CACNA2D3: variants seen among roughly 807,000 people sequenced by gnomAD.
The protein encoded by CACNA2D3 is voltage-dependent calcium channel subunit alpha-2/delta-3.
In CACNA2D3, 60 loss-of-function variants were observed where a neutral mutation model predicts 160.6. The ratio of observed to expected loss-of-function variants is 0.37; its 90% confidence interval spans 0.30 to 0.46. CACNA2D3 has a LOEUF of 0.46. Ranked by LOEUF, CACNA2D3 falls within the 20% of genes least tolerant of loss-of-function variation. The probability of loss-of-function intolerance (pLI) is 1.00; values close to 1 mark genes in which losing one functional copy is unlikely to be tolerated. For missense variants in CACNA2D3, 1,205 were observed against 1,365.0 expected (o/e 0.88, Z 1.85); for synonymous variants, 558 against 492.9 (o/e 1.13, Z -1.75).
intron 3 of CACNA2D3, among the ~76,000 whole-genome samples, chr3:54,352,719 G>A (rs2107534557): frequency 6.6e-6 from 1 of 152,328 alleles, no homozygotes; most frequent in East Asian, 1.9e-4. Flanking sequence ...TGAGTAGAAA[G>A]GCAGTGGTGC....
intron 11 of CACNA2D3, among the ~76,000 whole-genome samples, chr3:54,709,827 G>A (rs1427265351): frequency 3.9e-5 from 6 of 152,204 alleles, no homozygotes; most frequent in Non-Finnish European, 8.8e-5. Context: ...TCAGAAGGCT[G>A]AGGTGGGAGG....
At chr3:54,551,013 C>T (rs1424663096) in intron 5 of CACNA2D3, among the ~76,000 whole-genome samples, 1 of 152,230 alleles carries the variant, frequency 6.6e-6, no homozygotes, top group African/African-American at 2.4e-5. Context: ...CGCCACTCAC[C>T]TGCCACCACT....
intron 14 of CACNA2D3, among the ~76,000 whole-genome samples, chr3:54,825,936 T>A (rs1260434203): frequency 1.3e-5 from 2 of 152,126 alleles, no homozygotes; most frequent in Non-Finnish European, 2.9e-5. Context: ...GATGAGTTAC[T>A]CAAGAGAAAA....
intron 17 of CACNA2D3, among the ~76,000 whole-genome samples, chr3:54,858,716 G>A (rs1349880612): frequency 6.6e-6 from 1 of 152,138 alleles, no homozygotes; most frequent in African/African-American, 2.4e-5. Flanking sequence ...GGACTTGACC[G>A]AGAGATAACC....
chr3:54,259,942 G>A (rs116571269), intron 2 of CACNA2D3, among the ~76,000 whole-genome samples: 1,668 of 152,296 alleles, frequency 0.011, 32 homozygotes, highest in African/African-American at 0.039. Flanking sequence ...ATTCCTTAAT[G>A]TATGGGCAGG....
intron 13 of CACNA2D3, among the ~76,000 whole-genome samples, chr3:54,781,424 T>G (rs1404877330): frequency 6.6e-6 from 1 of 152,208 alleles, no homozygotes; most frequent in Non-Finnish European, 1.5e-5. Flanking sequence ...TGGATTGCCC[T>G]TCTCTGTCTG....
chr3:54,391,676 A>G (rs896425142), intron 4 of CACNA2D3, among the ~76,000 whole-genome samples: 1 of 151,874 alleles, frequency 6.6e-6, no homozygotes, highest in African/African-American at 2.4e-5. Context: ...ACACCCAGCT[A>G]CTTCTTGTAT....
At chr3:54,197,135 C>T (rs1474087470) in intron 2 of CACNA2D3, among the ~76,000 whole-genome samples, 2 of 152,024 alleles carry the variant, frequency 1.3e-5, no homozygotes, top group African/African-American at 2.4e-5. Flanking sequence ...CTCCTGAGCC[C>T]AAGTAATGCA....
chr3:54,649,100 C>T (rs1174308889), intron 11 of CACNA2D3, among the ~76,000 whole-genome samples: 2 of 152,180 alleles, frequency 1.3e-5, no homozygotes, highest in South Asian at 2.1e-4. Context: ...GCCGAATACT[C>T]CTTTTCATGC....
chr3:54,525,753 A>C (rs138351749), intron 5 of CACNA2D3, among the ~76,000 whole-genome samples: 2 of 149,608 alleles, frequency 1.3e-5, no homozygotes, highest in Non-Finnish European at 1.5e-5. Flanking sequence ...TCTGCTTTCA[A>C]TATTTTTTCC....
intron 14 of CACNA2D3, among the ~76,000 whole-genome samples, chr3:54,819,750 CAGG>C (rs1352747040): frequency 2.0e-5 from 3 of 152,014 alleles, no homozygotes; most frequent in Admixed American, 1.3e-4. Context: ...GAGGCTGGGG[CAGG>C]AGAATTGCTT....
At chr3:54,708,935 G>A (rs1430656307) in intron 11 of CACNA2D3, among the ~76,000 whole-genome samples, 1 of 151,420 alleles carries the variant, frequency 6.6e-6, no homozygotes, top group Non-Finnish European at 1.5e-5. Context: ...GGTATGATAA[G>A]GTGAGGCCAA....
intron 14 of CACNA2D3, among the ~76,000 whole-genome samples, chr3:54,821,641 GTTC>G (rs1409183050): frequency 1.4e-4 from 15 of 107,908 alleles, no homozygotes; most frequent in South Asian, 1.3e-3. Context: ...AGAGTCTTTC[GTTC>G]TTTCTTTCTT....
intron 27 of CACNA2D3, among the ~76,000 whole-genome samples, chr3:54,909,862 ATTC>A (rs902486929): frequency 2.4e-4 from 37 of 152,140 alleles, no homozygotes; most frequent in African/African-American, 5.1e-4. Context: ...GAAGAAGACA[ATTC>A]TTCTTCTTCC....
chr3:54,261,856 G>A (rs1702405993), intron 2 of CACNA2D3, among the ~76,000 whole-genome samples: 1 of 152,118 alleles, frequency 6.6e-6, no homozygotes, highest in Non-Finnish European at 1.5e-5. Flanking sequence ...TTGAAATCAG[G>A]TCAGTCCTGG....
At chr3:54,583,125 G>A (rs1301751895) in intron 9 of CACNA2D3, among the ~76,000 whole-genome samples, 1 of 152,156 alleles carries the variant, frequency 6.6e-6, no homozygotes, top group African/African-American at 2.4e-5. Flanking sequence ...TGTAAGTGAA[G>A]ATCTCATCCC....
intron 11 of CACNA2D3, among the ~76,000 whole-genome samples, chr3:54,737,182 ATG>A (rs4025817): frequency 0.25 from 37,330 of 147,304 alleles, 4,989 homozygotes; most frequent in East Asian, 0.42. Context: ...CCATGTGTAT[ATG>A]TGTGTGTGTG....
At chr3:55,006,855 G>A (rs1703105583) in intron 32 of CACNA2D3, among the ~76,000 whole-genome samples, 2 of 152,200 alleles carry the variant, frequency 1.3e-5, no homozygotes, top group African/African-American at 2.4e-5. Context: ...ATGCTCAGAA[G>A]GTGGGATTAA....
Position 54,399,901 on chromosome 3 carries a change from C to G in CACNA2D3, c.381+13127C>G, listed in dbSNP as rs552732910. Among the ~76,000 whole-genome samples, 17 of 123,482 alleles carry G rather than the reference C, an allele frequency of 1.4e-4. 1 individual carries two copies. The highest frequency in any genetic ancestry group is 3.5e-4 in the African/African-American group (11 of 31,534). 81.0% of individuals were successfully genotyped at this position (123,482 alleles called of 152,430 possible). On this transcript the variant is annotated intron_variant, in intron 4 of 37. Transcript: ENST00000474759. ...ATGGCGGGCGCCCCTCCCCCAGCCT[C>G]GTTGCCGCCTTGCAGTTTGATCTCA...
Sources: gnomAD v4.1 joint callset for allele counts (sites outside exome capture counted in the v4.1 genomes callset) on GRCh38, gnomAD v4.1.1 for gene constraint, MANE v1.5 for transcripts, NCBI Gene and HGNC (gene_info 2026-07-23, HGNC 2026-07-21) for gene names.